Variants in PCDH7 observed in about 807,000 individuals in gnomAD.
PCDH7 encodes the protein protocadherin 7.
PCDH7 carries 17 observed loss-of-function variants against 58.9 expected under a neutral mutation model. The observed-to-expected ratio is 0.29, with a 90% confidence interval of 0.20 to 0.43. The LOEUF is 0.43. PCDH7 is among the 20% of genes least tolerant of loss of function. The pLI is 1.00. For synonymous variants in PCDH7, 664 were observed against 616.4 expected (o/e 1.08, Z -1.14); for missense variants, 1,274 against 1,441.0 (o/e 0.88, Z 1.88).
At chr4:31,052,856 T>G (rs2109223481) in intron 3 of PCDH7, among the ~76,000 whole-genome samples, 1 of 152,292 alleles carries the variant, frequency 6.6e-6, no homozygotes, top group African/African-American at 2.4e-5. Context: ...AATCAAACCT[T>G]GTCCCTTCAG....
intron 1 of PCDH7, among the ~76,000 whole-genome samples, chr4:30,803,565 A>ACTG: frequency 6.6e-6 from 1 of 152,100 alleles, no homozygotes; most frequent in South Asian, 2.1e-4. Context: ...AGCCTTCCTC[A>ACTG]CTGCTGGGAC....
At chr4:31,128,746 C>T (rs542369069) in intron 3 of PCDH7, among the ~76,000 whole-genome samples, 1 of 152,234 alleles carries the variant, frequency 6.6e-6, no homozygotes, top group Non-Finnish European at 1.5e-5. Flanking sequence ...CTGACAGCAC[C>T]CTGCTCCCTA....
chr4:30,975,143 T>TTGTGTGTGTGTG (rs35675648), intron 3 of PCDH7, among the ~76,000 whole-genome samples: 199 of 138,850 alleles, frequency 1.4e-3, no homozygotes, highest in Middle Eastern at 3.7e-3. Flanking sequence ...TTCCCTTTCA[T>TTGTGTGTGTGTG]TGTGTGTGTG....
chr4:30,787,282 C>T (rs771394492), intron 1 of PCDH7, among the ~76,000 whole-genome samples: 1 of 151,972 alleles, frequency 6.6e-6, no homozygotes, highest in Non-Finnish European at 1.5e-5. Context: ...ATCACCTGAG[C>T]CTGTGCTAGA....
At chr4:31,110,858 T>C (rs975561055) in intron 3 of PCDH7, among the ~76,000 whole-genome samples, 45 of 151,074 alleles carry the variant, frequency 3.0e-4, no homozygotes, top group African/African-American at 1.0e-3. Context: ...GAGCTTGTAG[T>C]GAGCCAAGAT....
downstream of PCDH7, among the ~76,000 whole-genome samples, chr4:30,734,236 CTT>C (rs201383285): frequency 2.2e-4 from 31 of 144,086 alleles, no homozygotes; most frequent in African/African-American, 3.3e-4. Flanking sequence ...AATTTTCTAT[CTT>C]TTTTTTTTTT....
chr4:30,803,508 G>C (rs1488230158), intron 1 of PCDH7, among the ~76,000 whole-genome samples: 1 of 152,022 alleles, frequency 6.6e-6, no homozygotes, highest in Admixed American at 6.6e-5. Flanking sequence ...CATCATTATG[G>C]CTCACTGCAA....
intron 3 of PCDH7, among the ~76,000 whole-genome samples, chr4:31,074,846 A>G (rs1209354351): frequency 2.7e-5 from 4 of 150,324 alleles, no homozygotes; most frequent in South Asian, 2.1e-4. Flanking sequence ...ACCATCCTGC[A>G]TATGAGATTC....
intron 1 of PCDH7, among the ~76,000 whole-genome samples, chr4:30,917,928 A>G (rs1317694227): frequency 1.3e-5 from 2 of 152,158 alleles, no homozygotes; most frequent in South Asian, 2.1e-4. Flanking sequence ...TTTTATATCA[A>G]AATGAAACAC....
At chr4:30,981,009 A>ATTTTTTTTTTTTT (rs1750506571) in intron 3 of PCDH7, among the ~76,000 whole-genome samples, 1 of 152,002 alleles carries the variant, frequency 6.6e-6, no homozygotes, top group African/African-American at 2.4e-5. Context: ...CGCTCAGCTA[A>ATTTTTTTTTTTTT]TTTTTGTATT....
At chr4:31,056,517 G>GAAAGAAA (rs1491230659) in intron 3 of PCDH7, among the ~76,000 whole-genome samples, 6 of 95,038 alleles carry the variant, frequency 6.3e-5, no homozygotes, top group Admixed American at 3.0e-4. Context: ...AAGAAAGAAA[G>GAAAGAAA]GGGAAGGGAA....
chr4:31,104,286 G>A (rs1157777543), intron 3 of PCDH7, among the ~76,000 whole-genome samples: 1 of 152,160 alleles, frequency 6.6e-6, no homozygotes, highest in Non-Finnish European at 1.5e-5. Flanking sequence ...AATGAACTGT[G>A]TGAGGTTTTG....
At chr4:30,819,179 A>G (rs544239260) in intron 1 of PCDH7, among the ~76,000 whole-genome samples, 2 of 152,282 alleles carry the variant, frequency 1.3e-5, no homozygotes, top group South Asian at 4.1e-4. Context: ...GAAATTTCCC[A>G]TCATATGTAT....
At chr4:30,844,068 C>A (rs1026861663) in intron 1 of PCDH7, among the ~76,000 whole-genome samples, 14 of 152,106 alleles carry the variant, frequency 9.2e-5, no homozygotes, top group Admixed American at 2.0e-4. Flanking sequence ...AGTTTCTTAG[C>A]TGAAAAGTTG....
At chr4:30,841,353 G>A (rs1390130387) in intron 1 of PCDH7, among the ~76,000 whole-genome samples, 1 of 152,078 alleles carries the variant, frequency 6.6e-6, no homozygotes, top group Admixed American at 6.6e-5. Context: ...GATATAATGA[G>A]TTCAAGGAAC....
intron 1 of PCDH7, among the ~76,000 whole-genome samples, chr4:30,757,881 C>T (rs1257626370): frequency 6.6e-6 from 1 of 152,130 alleles, no homozygotes; most frequent in East Asian, 1.9e-4. Flanking sequence ...TGACTGAAAG[C>T]AACAAACATT....
At chr4:30,887,931 A>G (rs1217339008) in intron 1 of PCDH7, among the ~76,000 whole-genome samples, 1 of 149,634 alleles carries the variant, frequency 6.7e-6, no homozygotes, top group Non-Finnish European at 1.5e-5. Context: ...GCTGGAGTGC[A>G]GTGGTGCTAT....
At chr4:30,902,269 C>G (rs1397506298) in intron 1 of PCDH7, among the ~76,000 whole-genome samples, 1 of 152,120 alleles carries the variant, frequency 6.6e-6, no homozygotes, top group Non-Finnish European at 1.5e-5. Flanking sequence ...GTATGTAAGT[C>G]TGTGGCCCAG....
In PCDH7 at chr4:31,108,820, G is replaced by A. The variant is rs185473084; in HGVS notation, c.*8-33653G>A. Among the ~76,000 whole-genome samples, 29 of 152,178 alleles carry A rather than the reference G, an allele frequency of 1.9e-4. 1 individual carries two copies. In the East Asian group the frequency reaches 5.0e-3, roughly 26 times the overall value. On this transcript the variant is annotated intron_variant, in intron 3 of 3. Coordinates refer to the PCDH7 transcript ENST00000509759. ...ATAAACTGTGCAGAGAATACTATCAGCCATTGCTGTGCAACAAACTACCTG... is the reference window on the plus strand; with the variant it reads ...ATAAACTGTGCAGAGAATACTATCAACCATTGCTGTGCAACAAACTACCTG...
Sources: gnomAD v4.1 joint callset for allele counts (sites outside exome capture counted in the v4.1 genomes callset) on GRCh38, gnomAD v4.1.1 for gene constraint, MANE v1.5 for transcripts, NCBI Gene and HGNC (gene_info 2026-07-23, HGNC 2026-07-21) for gene names.